The following PCDHGA7 variants were observed in gnomAD, a reference collection of about 807,000 sequenced individuals.
PCDHGA7 encodes the protein protocadherin gamma subfamily A, 7.
A neutral mutation model predicts 58.3 loss-of-function variants in PCDHGA7; 44 were observed. The ratio of observed to expected loss-of-function variants is 0.75; its 90% CI spans 0.59 to 0.97. PCDHGA7 has a LOEUF of 0.97. Among genes scored for constraint, PCDHGA7 ranks in the 50% least tolerant of loss-of-function variants. The pLI, the probability that PCDHGA7 is intolerant of heterozygous loss-of-function variation, is 0.00. For synonymous variants in PCDHGA7, 516 were observed against 504.2 expected (o/e 1.02, Z -0.31); for missense variants, 1,266 against 1,188.7 (o/e 1.06, Z -0.96).
In PCDHGA7 at chr5:141,384,798, G is replaced by A; in HGVS notation, c.1899G>A (p.Leu633=). The change falls in exon 1 of 4, where the codon CTG becomes CTA. Residue 633 remains leucine (L), a synonymous_variant. Transcript: ENST00000518325. ...TGEVRTARAL[L]DRDALKQSLV... ...AGGTGCGCACGGCTCGGGCCCTGCT[G>A]GACAGAGATGCCCTCAAGCAGAGCC... is the stretch of plus-strand genomic sequence containing the variant. 1.9e-6 allele frequency: 3 copies of A among 1,613,448 alleles called. No individual in the cohort carries two copies. Among genetic ancestry groups the A allele is most frequent in the Non-Finnish European group, 2.5e-6 (3 of 1,179,892 alleles).
intron 1 of PCDHGA7, chr5:141,405,281 G>A (rs1001215863): frequency 1.2e-6 from 2 of 1,614,158 alleles, no homozygotes; most frequent in Non-Finnish European, 1.7e-6. Flanking sequence ...CAACTATGCA[G>A]ACACACTCAT....
intron 1 of PCDHGA7, chr5:141,413,265 T>A (rs1301684620): frequency 6.2e-7 from 1 of 1,613,840 alleles, no homozygotes; most frequent in African/African-American, 1.3e-5. Context: ...CATGGGAGGC[T>A]GGAGCCCGGC....
intron 1 of PCDHGA7, chr5:141,400,635 TG>T: frequency 7.3e-7 from 1 of 1,373,110 alleles, no homozygotes; most frequent in Non-Finnish European, 1.0e-6. Flanking sequence ...AAGTCAGAGC[TG>T]CTCAGAAAGC....
In PCDHGA7 at chr5:141,499,962, A is replaced by G. The variant is rs147527188; in HGVS notation, c.2483+5097A>G. Among the ~76,000 whole-genome samples the G allele has an allele frequency of 3.7e-3, 563 of 152,178 alleles. 5 individuals are homozygous for G. Among genetic ancestry groups the G allele is most frequent in the Admixed American group, 0.011 (164 of 15,288 alleles). On this transcript the variant is annotated intron_variant, in intron 2 of 3. Coordinates refer to ENST00000518325, the MANE Select transcript of PCDHGA7 (RefSeq NM_018920.4). ...CTCGGCCTCCCAAAATGTTGGGATT[A>G]CAGGTGTGAGCCACCTTGCCCGGCC...
Position 141,431,740 on chromosome 5 carries a change from T to C in PCDHGA7, c.2424+46417T>C. 6.2e-7 allele frequency: 1 copy of C among 1,614,230 alleles called. No individual in the cohort carries two copies. Among genetic ancestry groups the C allele is most frequent in the South Asian group, 1.1e-5 (1 of 91,088 alleles). On this transcript the variant is annotated intron_variant, in intron 1 of 3. Transcript: ENST00000518325. This position sits in a 1 kb window ranked among gnomAD's most constrained non-coding sequence, Gnocchi z 4.8. ...TGCAAGCAATGGATAATGCAGGATA[T>C]TCTGCGCGAGCCAAAGTCCTGATCA... is the stretch of plus-strand genomic sequence containing the variant.
chr5:141,407,529 T>G (rs2154538729), intron 1 of PCDHGA7, among the ~76,000 whole-genome samples: 1 of 151,552 alleles, frequency 6.6e-6, no homozygotes, highest in South Asian at 2.1e-4. Context: ...CTTAACTTAT[T>G]GTGCATTGGT....
intron 1 of PCDHGA7, chr5:141,408,821 T>C (rs774934223): frequency 1.4e-5 from 23 of 1,613,250 alleles, no homozygotes; most frequent in African/African-American, 2.7e-5. Flanking sequence ...AGAACAGAGA[T>C]CTCATAGCTT....
rs768074414 is a variant in PCDHGA7 at position 141,477,293 on chromosome 5, C to T, written c.2425-17514C>T. 8.1e-6 allele frequency: 13 copies of T among 1,614,180 alleles called. No homozygotes were observed. The highest frequency in any genetic ancestry group is 1.1e-5 in the Non-Finnish European group (13 of 1,180,036). ...CGGGCTGGTGACCTGCGAAGTTCCA[C>T]CGGGTCTCCCTTTCAGCCTTACTTC... On this transcript the variant is annotated intron_variant, in intron 1 of 3. Coordinates refer to ENST00000518325, the MANE Select transcript of PCDHGA7 (RefSeq NM_018920.4). This position sits in a 1 kb window ranked among gnomAD's most constrained non-coding sequence, Gnocchi z 4.9.
At chr5:141,402,854 C>T (rs1589466051) in intron 1 of PCDHGA7, 2 of 1,423,530 alleles carry the variant, frequency 1.4e-6, no homozygotes, top group East Asian at 2.5e-5. Flanking sequence ...CCTCTTTCTT[C>T]TAAGGAAAAG....
At chr5:141,447,650 T>TC (rs1036312126) in intron 1 of PCDHGA7, among the ~76,000 whole-genome samples, 5 of 151,988 alleles carry the variant, frequency 3.3e-5, no homozygotes, top group Non-Finnish European at 5.9e-5. Context: ...GGTAGAATTT[T>TC]CCCCCCCAGG....
chr5:141,389,818 G>T, intron 1 of PCDHGA7: 2 of 1,613,888 alleles, frequency 1.2e-6, no homozygotes, highest in Non-Finnish European at 1.7e-6. Flanking sequence ...GTCGCCGTGC[G>T]TGACGGTGGA....
intron 1 of PCDHGA7, chr5:141,411,948 G>A (rs2095525022): frequency 1.3e-5 from 2 of 152,152 alleles, no homozygotes. Flanking sequence ...GAAGATTTTT[G>A]AAGAAAAAAG....
At chr5:141,393,867 T>G in intron 1 of PCDHGA7, 1 of 1,614,000 alleles carries the variant, frequency 6.2e-7, no homozygotes. Context: ...CATTACGTCT[T>G]TGTTTAGCCC....
At chr5:141,409,402 C>G (rs2095262140) in intron 1 of PCDHGA7, 2 of 1,613,924 alleles carry the variant, frequency 1.2e-6, no homozygotes, top group Non-Finnish European at 8.5e-7. Context: ...CTTCCAATAA[C>G]TACTACAAAC....
chr5:141,503,616 A>G (rs1260134621), intron 2 of PCDHGA7, among the ~76,000 whole-genome samples: 2 of 150,944 alleles, frequency 1.3e-5, no homozygotes, highest in African/African-American at 2.4e-5. Context: ...AAAAAAAAAG[A>G]AAAAAGAAAA....
intron 1 of PCDHGA7, chr5:141,414,320 A>G: frequency 1.9e-6 from 3 of 1,613,840 alleles, no homozygotes; most frequent in Middle Eastern, 1.6e-4. Flanking sequence ...GACTCTGAGC[A>G]GAATGGACAG....
intron 1 of PCDHGA7, chr5:141,478,046 C>A (rs762982394): frequency 3.7e-6 from 6 of 1,614,172 alleles, no homozygotes; most frequent in Non-Finnish European, 5.1e-6. Flanking sequence ...CAGGCAGACT[C>A]TCACGGTCTT....
intron 1 of PCDHGA7, chr5:141,415,362 G>A (rs769596449): frequency 4.3e-6 from 7 of 1,614,126 alleles, no homozygotes; most frequent in African/African-American, 1.3e-5. Context: ...CACGCCTGCT[G>A]CAGGCTTCAG....
chr5:141,466,197 G>A (rs2099118639), intron 1 of PCDHGA7, among the ~76,000 whole-genome samples: 1 of 151,666 alleles, frequency 6.6e-6, no homozygotes, highest in South Asian at 2.1e-4. Flanking sequence ...TTCAGACACA[G>A]CCTTGCTCTG....
Sources: allele counts gnomAD v4.1 joint callset (sites outside exome capture counted in the v4.1 genomes callset), GRCh38; gene constraint gnomAD v4.1.1; non-coding constraint Gnocchi (gnomAD v3.1); transcripts MANE v1.5; gene names NCBI Gene and HGNC (gene_info 2026-07-23, HGNC 2026-07-21).